Variants in LIPN observed in about 807,000 individuals in gnomAD.
The protein encoded by LIPN is lipase family member N.
Under a neutral mutation model 43.7 loss-of-function variants are expected in LIPN, and 32 were observed. The observed-to-expected ratio is 0.73, with a 90% CI of 0.55 to 0.98. LIPN has a LOEUF of 0.98. Ranked by LOEUF, LIPN falls within the 50% of genes least tolerant of loss-of-function variation. The pLI, the probability that LIPN is intolerant of heterozygous loss-of-function variation, is 0.00. For missense variants in LIPN, 505 were observed against 483.8 expected (o/e 1.04, Z -0.41); for synonymous variants, 156 against 157.6 (o/e 0.99, Z 0.08).
At chr10:88,758,364 T>TAA (rs11369310), upstream of LIPN, among the ~76,000 whole-genome samples, 6,508 of 141,348 alleles carry the variant, frequency 0.046, 198 homozygotes, top group Admixed American at 0.11. Context: ...CTAATTTTAT[T>TAA]AAAAAAAAAA....
At chr10:88,777,634 C>G (rs74943866) in intron 9 of LIPN, among the ~76,000 whole-genome samples, 5 of 152,044 alleles carry the variant, frequency 3.3e-5, no homozygotes, top group Admixed American at 3.3e-4. Context: ...GCTTGCCATT[C>G]CTGATCATAG....
chr10:88,765,789 G>C (rs950857819), intron 4 of LIPN, among the ~76,000 whole-genome samples: 1 of 151,548 alleles, frequency 6.6e-6, no homozygotes, highest in African/African-American at 2.4e-5. Context: ...GTACTACCCT[G>C]TTTATTTCCC....
intron 9 of LIPN, among the ~76,000 whole-genome samples, chr10:88,777,305 T>A (rs544495084): frequency 2.6e-5 from 4 of 152,216 alleles, no homozygotes; most frequent in Admixed American, 2.0e-4. Context: ...CTCTCTGAAA[T>A]CATTAGCATT....
intron 1 of LIPN, among the ~76,000 whole-genome samples, chr10:88,760,883 T>A (rs907262740): frequency 6.6e-6 from 1 of 152,172 alleles, no homozygotes; most frequent in Non-Finnish European, 1.5e-5. Context: ...AGACTGCACA[T>A]TGAAATACGC....
At chr10:88,764,695 G>C in intron 4 of LIPN, 87 bp downstream of exon 4, 1 of 955,080 alleles carries the variant, frequency 1.0e-6, no homozygotes, top group South Asian at 2.0e-5. Flanking sequence ...TATCTTTGAC[G>C]CTTGAAGTCA....
At chr10:88,774,046 G>T (rs1200459336) in intron 7 of LIPN, among the ~76,000 whole-genome samples, 1 of 151,912 alleles carries the variant, frequency 6.6e-6, no homozygotes, top group Non-Finnish European at 1.5e-5. Context: ...TGTTAAATAT[G>T]GTGGCCAAGT....
At chr10:88,771,839 C>T (rs1319981528) in intron 7 of LIPN, among the ~76,000 whole-genome samples, 1 of 151,752 alleles carries the variant, frequency 6.6e-6, no homozygotes, top group Non-Finnish European at 1.5e-5. Flanking sequence ...TACTCTTCCC[C>T]ATAGTTCCTG....
chr10:88,774,499 T>G lies in LIPN; in HGVS notation c.846T>G (p.His282Gln), dbSNP rs1382329260. The change falls in exon 8 of 10, where the codon CAT becomes CAG. Residue 282 changes from histidine (H) to glutamine (Q), a missense_variant. Transcript: ENST00000404459. ...NQSRMDVYMSHAPTGSSVHNI... is the reference protein window; with the variant it reads ...NQSRMDVYMSQAPTGSSVHNI... ...GTCGAATGGATGTGTATATGTCACA[T>G]GCTCCCACTGGTTCATCAGTACACA... 1 of 1,610,982 alleles carries G rather than the reference T, an allele frequency of 6.2e-7. No homozygotes were observed. The highest frequency in any genetic ancestry group is 8.5e-7 in the Non-Finnish European group (1 of 1,177,784).
chr10:88,763,763 C>G (rs1440011799), intron 3 of LIPN, among the ~76,000 whole-genome samples: 1 of 152,000 alleles, frequency 6.6e-6, no homozygotes, highest in Non-Finnish European at 1.5e-5. Context: ...GGCAGAGGGA[C>G]ACTGAGCTGA....
At chr10:88,761,006 G>A (rs1180172659) in intron 1 of LIPN, among the ~76,000 whole-genome samples, 1 of 152,082 alleles carries the variant, frequency 6.6e-6, no homozygotes, top group Non-Finnish European at 1.5e-5. Context: ...TACTTTGTGG[G>A]ATACTGGGCT....
intron 5 of LIPN, 72 bp from the exon 6 acceptor site, chr10:88,768,720 A>G: frequency 7.5e-7 from 1 of 1,327,856 alleles, no homozygotes; most frequent in Non-Finnish European, 1.1e-6. Flanking sequence ...GACTAAGCAG[A>G]GCCCCAATTT....
chr10:88,772,665 T>C (rs1843229774), intron 7 of LIPN, among the ~76,000 whole-genome samples: 1 of 151,926 alleles, frequency 6.6e-6, no homozygotes, highest in African/African-American at 2.4e-5. Flanking sequence ...AGGTTTGTAG[T>C]ATAATTTGAA....
chr10:88,757,660 G>A (rs1435641445), upstream of LIPN, among the ~76,000 whole-genome samples: 2 of 152,178 alleles, frequency 1.3e-5, no homozygotes, highest in East Asian at 1.9e-4. Flanking sequence ...CATGTTCTAC[G>A]CTAATATGTA....
In LIPN at chr10:88,777,993, G is replaced by A; in HGVS notation, c.964-16G>A. ...GGAGCTTCCTCTCATGAATGCCCTT[G>A]CTTTCTCTCCCACAGAGTCATCCCC... On this transcript the variant is annotated splice_polypyrimidine_tract_variant and intron_variant, in intron 9 of 9. Transcript: ENST00000404459. 1 of 1,547,530 alleles carries A rather than the reference G, an allele frequency of 6.5e-7. No individual in the cohort carries two copies. Among genetic ancestry groups the A allele is most frequent in the Admixed American group, 1.7e-5 (1 of 59,106 alleles).
chr10:88,773,632 T>C (rs1043684880), intron 7 of LIPN, among the ~76,000 whole-genome samples: 1 of 151,846 alleles, frequency 6.6e-6, no homozygotes, highest in Non-Finnish European at 1.5e-5. Context: ...ACTGGTGTGG[T>C]TGAATAGTTG....
chr10:88,766,889 A>G (rs112964720), intron 5 of LIPN, among the ~76,000 whole-genome samples: 10 of 152,138 alleles, frequency 6.6e-5, no homozygotes, highest in African/African-American at 2.4e-4. Flanking sequence ...ATAATAAATC[A>G]ATTGAGCTTA....
intron 9 of LIPN, among the ~76,000 whole-genome samples, chr10:88,775,671 G>T (rs1482969727): frequency 6.6e-6 from 1 of 151,968 alleles, no homozygotes; most frequent in Admixed American, 6.6e-5. Flanking sequence ...GGGTCGTAAG[G>T]CATCTTTCTC....
In LIPN at chr10:88,770,912, G is replaced by A. The variant is rs764668771; in HGVS notation, c.740G>A (p.Cys247Tyr). 3 of 1,550,356 alleles carry A rather than the reference G, an allele frequency of 1.9e-6. No homozygotes were observed. The highest frequency in any genetic ancestry group is 4.8e-5 in the East Asian group (2 of 41,490). The change falls in exon 7 of 10, where the codon TGC becomes TAC. Residue 247 changes from cysteine to tyrosine, a missense_variant. By Grantham distance (194) the Cys-to-Tyr change is radical (BLOSUM62 -2). Coordinates refer to ENST00000404459, the MANE Select transcript of LIPN (RefSeq NM_001102469.2). The part of the protein sequence containing the change: ...KKTKIASTKI[C>Y]NNKILWLICS... Reference sequence around the variant, plus strand: ...ACGAAGATAGCTTCTACCAAAATCTGCAACAATAAGATACTCTGGTTGATA... The same window carrying A: ...ACGAAGATAGCTTCTACCAAAATCTACAACAATAAGATACTCTGGTTGATA...
At chr10:88,761,760 TATGTATCTATCTATCTATTTATCTATC>T (rs1564578408) in intron 2 of LIPN, among the ~76,000 whole-genome samples, 3,247 of 75,110 alleles carry the variant, frequency 0.043, 49 homozygotes, top group African/African-American at 0.12. Flanking sequence ...TCTATCTATC[TATGTATCTATCTATCTATTTATCTATC>T]TATCTATCTA....
Sources: gnomAD v4.1 joint callset for allele counts (sites outside exome capture counted in the v4.1 genomes callset) on GRCh38, gnomAD v4.1.1 for gene constraint, MANE v1.5 for transcripts, NCBI Gene and HGNC (gene_info 2026-07-23, HGNC 2026-07-21) for gene names.